Variants in ASIC2 observed in about 807,000 individuals in gnomAD.
ASIC2 encodes acid sensing ion channel subunit 2.
ASIC2 carries 25 observed loss-of-function variants against 57.3 expected under a neutral mutation model. The ratio of observed to expected loss-of-function variants is 0.44; its 90% CI spans 0.32 to 0.61. The LOEUF (loss-of-function observed/expected upper bound fraction) is 0.61. Ranked by LOEUF, ASIC2 falls within the 20% of genes least tolerant of loss-of-function variation. The probability of loss-of-function intolerance (pLI) is 0.06; values close to 1 mark genes in which losing one functional copy is unlikely to be tolerated. For missense variants in ASIC2, 641 were observed against 738.1 expected (o/e 0.87, Z 1.52); for synonymous variants, 319 against 307.5 (o/e 1.04, Z -0.39).
At chr17:33,288,076 G>A (rs940555334) in intron 1 of ASIC2, among the ~76,000 whole-genome samples, 10 of 152,086 alleles carry the variant, frequency 6.6e-5, no homozygotes, top group African/African-American at 1.7e-4. Context: ...GTTGGGTGCC[G>A]GAGGCAGCAA....
chr17:33,616,464 A>G (rs975385154), intron 1 of ASIC2, among the ~76,000 whole-genome samples: 3 of 152,178 alleles, frequency 2.0e-5, no homozygotes, highest in African/African-American at 7.2e-5. Flanking sequence ...CTTTAATGTG[A>G]ATTCTGATTC....
chr17:33,482,498 C>A (rs1913438758), intron 1 of ASIC2, among the ~76,000 whole-genome samples: 1 of 152,226 alleles, frequency 6.6e-6, no homozygotes, highest in Admixed American at 6.5e-5. Context: ...CAGTAATATC[C>A]CATATTCTCG....
intron 1 of ASIC2, among the ~76,000 whole-genome samples, chr17:33,806,797 C>CT (rs1294140986): frequency 6.6e-6 from 1 of 152,160 alleles, no homozygotes; most frequent in East Asian, 1.9e-4. Flanking sequence ...GACTTGGCAC[C>CT]TGACCTGGTC....
intron 1 of ASIC2, among the ~76,000 whole-genome samples, chr17:33,525,248 G>A (rs1416132257): frequency 6.6e-6 from 1 of 152,216 alleles, no homozygotes; most frequent in Non-Finnish European, 1.5e-5. Context: ...CCTGCCACCA[G>A]GTCTTTCTGA....
rs374525343 is a variant in ASIC2, at chr17:33,662,043, T to C, written c.555+493935A>G. On this transcript the variant is annotated intron_variant, in intron 1 of 9. Coordinates refer to the ASIC2 transcript ENST00000359872. ...TCACTTCTTCCTTAAGAAATAATAC[T>C]TCCTACTATGCATTATGTCAGAGCA... 3.3e-5 allele frequency among the ~76,000 whole-genome samples: 5 copies of C among 152,286 alleles called. No homozygotes were observed. In the East Asian group the frequency reaches 9.7e-4, roughly 29 times the overall value.
At chr17:33,660,770 C>G (rs1567681905) in intron 1 of ASIC2, among the ~76,000 whole-genome samples, 1 of 152,216 alleles carries the variant, frequency 6.6e-6, no homozygotes, top group South Asian at 2.1e-4. Context: ...TAGACTCTTA[C>G]GGAACCACTG....
At chr17:33,826,121 C>T (rs1480901464) in intron 1 of ASIC2, among the ~76,000 whole-genome samples, 1 of 152,194 alleles carries the variant, frequency 6.6e-6, no homozygotes, top group Non-Finnish European at 1.5e-5. Flanking sequence ...TTTGGGAATT[C>T]ATGCTTTTAG....
At chr17:34,120,722 C>CTTTTTTTTTTTTTTTTTTTTT (rs142959293) in intron 1 of ASIC2, among the ~76,000 whole-genome samples, 13 of 94,626 alleles carry the variant, frequency 1.4e-4, no homozygotes, top group African/African-American at 1.2e-4. Flanking sequence ...TGGGGTCCTT[C>CTTTTTTTTTTTTTTTTTTTTT]TTTTTTTTTT....
intron 1 of ASIC2, among the ~76,000 whole-genome samples, chr17:33,464,892 A>T (rs376071728): frequency 6.6e-6 from 1 of 151,866 alleles, no homozygotes; most frequent in Non-Finnish European, 1.5e-5. Flanking sequence ...GACTTTTCAC[A>T]GTTTACAAGT....
chr17:33,392,824 A>C (rs1288488654), intron 1 of ASIC2, among the ~76,000 whole-genome samples: 2 of 152,164 alleles, frequency 1.3e-5, no homozygotes, highest in Non-Finnish European at 2.9e-5. Flanking sequence ...TCTGAACGCT[A>C]TACTTTATAG....
Position 33,149,268 on chromosome 17 carries a change from G to C in ASIC2, c.709-37201C>G, listed in dbSNP as rs549175898. On this transcript the variant is annotated intron_variant, in intron 1 of 9. Transcript: ENST00000225823. ...ATAGCAATAATCATAATGTTTTGGTGTTTTTCCAGCTGTCTTTTTTTCTAA... is the reference window on the plus strand; with the variant it reads ...ATAGCAATAATCATAATGTTTTGGTCTTTTTCCAGCTGTCTTTTTTTCTAA... 3.3e-5 allele frequency among the ~76,000 whole-genome samples: 5 copies of C among 152,214 alleles called. No individual in the cohort carries two copies. In the South Asian group the frequency reaches 8.3e-4, roughly 25 times the overall value.
chr17:33,291,180 C>T (rs1412282811), intron 1 of ASIC2: 12 of 879,636 alleles, frequency 1.4e-5, no homozygotes, highest in Non-Finnish European at 1.9e-5. Flanking sequence ...GGGGCTGGGA[C>T]AGGGGAGCTC....
At chr17:33,467,376 T>C (rs1912902299) in intron 1 of ASIC2, among the ~76,000 whole-genome samples, 2 of 152,284 alleles carry the variant, frequency 1.3e-5, no homozygotes, top group South Asian at 4.2e-4. Flanking sequence ...GTAGGTTATG[T>C]AAACCAAAAA....
intron 1 of ASIC2, among the ~76,000 whole-genome samples, chr17:33,780,717 G>A (rs529613420): frequency 6.6e-6 from 1 of 152,322 alleles, no homozygotes; most frequent in Non-Finnish European, 1.5e-5. Flanking sequence ...CCAGGTACCA[G>A]GAGTCAGCTC....
chr17:33,725,675 G>A (rs1037298670), intron 1 of ASIC2, among the ~76,000 whole-genome samples: 5 of 151,086 alleles, frequency 3.3e-5, no homozygotes, highest in African/African-American at 1.2e-4. Flanking sequence ...CCCATCCCAA[G>A]TTTCCTCAGC....
chr17:33,938,234 T>C (rs982187587), intron 1 of ASIC2, among the ~76,000 whole-genome samples: 3 of 152,002 alleles, frequency 2.0e-5, no homozygotes, highest in Non-Finnish European at 4.4e-5. Context: ...GATCAGGGAG[T>C]AGGAAGCTGG....
intron 1 of ASIC2, among the ~76,000 whole-genome samples, chr17:33,144,058 T>C (rs2142021108): frequency 6.6e-6 from 1 of 152,092 alleles, no homozygotes; most frequent in East Asian, 1.9e-4. Context: ...AGTCATATTA[T>C]AAGACCCTAC....
At chr17:34,136,475 A>G (rs972262675) in intron 1 of ASIC2, among the ~76,000 whole-genome samples, 2 of 152,112 alleles carry the variant, frequency 1.3e-5, no homozygotes, top group Non-Finnish European at 2.9e-5. Flanking sequence ...CCACAACCCT[A>G]CTTACTTAAT....
intron 1 of ASIC2, among the ~76,000 whole-genome samples, chr17:33,807,145 C>G (rs138249696): frequency 1.3e-5 from 2 of 152,332 alleles, no homozygotes; most frequent in African/African-American, 4.8e-5. Flanking sequence ...ATCTCCCCTA[C>G]AGGACACCAG....
Sources: gnomAD v4.1 joint callset for allele counts (sites outside exome capture counted in the v4.1 genomes callset) on GRCh38, gnomAD v4.1.1 for gene constraint, MANE v1.5 for transcripts, NCBI Gene and HGNC (gene_info 2026-07-23, HGNC 2026-07-21) for gene names.